RANBP10: variants seen among roughly 807,000 people sequenced by gnomAD.
RANBP10 encodes ran-binding protein 10.
In RANBP10, 24 loss-of-function variants were observed where a neutral mutation model predicts 72.8. That is an observed-to-expected ratio of 0.33 (90% CI 0.24 to 0.46). The LOEUF (loss-of-function observed/expected upper bound fraction) is 0.46, where lower values mean the gene tolerates loss of function less well. RANBP10 is among the 20% of genes least tolerant of loss of function. RANBP10 has a pLI of 1.00. For missense variants in RANBP10, 679 were observed against 817.5 expected, an observed-to-expected ratio of 0.83 and a Z score of 2.07; for synonymous variants, 310 against 322.3, an observed-to-expected ratio of 0.96 and a Z score of 0.41.
intron 5 of RANBP10, among the ~76,000 whole-genome samples, chr16:67,737,723 T>C (rs2053882138): frequency 6.6e-6 from 1 of 152,064 alleles, no homozygotes; most frequent in Non-Finnish European, 1.5e-5. Context: ...AGTTGAGCCA[T>C]GGAGCTATCT....
At chr16:67,747,394 T>C (rs776221117) in intron 3 of RANBP10, among the ~76,000 whole-genome samples, 11 of 152,234 alleles carry the variant, frequency 7.2e-5, no homozygotes, top group Non-Finnish European at 1.5e-4. Flanking sequence ...TGTATTGCAC[T>C]TGTTTATCGT....
At chr16:67,798,052 C>G (rs938224715) in intron 2 of RANBP10, among the ~76,000 whole-genome samples, 4 of 150,682 alleles carry the variant, frequency 2.7e-5, no homozygotes, top group African/African-American at 9.8e-5. Flanking sequence ...AGTTCTCTTA[C>G]CCCGTGTTCC....
At chr16:67,765,556 G>T (rs2054485623) in intron 3 of RANBP10, among the ~76,000 whole-genome samples, 1 of 152,012 alleles carries the variant, frequency 6.6e-6, no homozygotes, top group Non-Finnish European at 1.5e-5. Flanking sequence ...ATTAGTCGGG[G>T]CTGGGTGCAG....
intron 3 of RANBP10, among the ~76,000 whole-genome samples, chr16:67,767,760 C>T (rs2054531897): frequency 1.3e-5 from 2 of 152,138 alleles, no homozygotes; most frequent in South Asian, 4.1e-4. Context: ...CCGCGCCCGG[C>T]TAATTTTTTG....
intron 3 of RANBP10, among the ~76,000 whole-genome samples, chr16:67,766,698 T>G (rs1307190024): frequency 1.3e-5 from 2 of 152,146 alleles, no homozygotes; most frequent in Admixed American, 1.3e-4. Context: ...TAAAACTCTT[T>G]TCTTTATAAA....
intron 2 of RANBP10, among the ~76,000 whole-genome samples, chr16:67,799,582 C>T (rs1487782130): frequency 6.6e-6 from 1 of 152,144 alleles, no homozygotes; most frequent in Non-Finnish European, 1.5e-5. Context: ...CCACTGCGCC[C>T]GGCCAGCTCC....
At chr16:67,737,115 C>T (rs1275885024) in intron 5 of RANBP10, among the ~76,000 whole-genome samples, 1 of 140,262 alleles carries the variant, frequency 7.1e-6, no homozygotes, top group Non-Finnish European at 1.5e-5. Flanking sequence ...ATGCCCTGAA[C>T]TAAGCAAGCA....
chr16:67,745,063 C>T (rs937896927), intron 3 of RANBP10, among the ~76,000 whole-genome samples: 17 of 152,038 alleles, frequency 1.1e-4, no homozygotes, highest in Non-Finnish European at 2.1e-4. Flanking sequence ...ATCTCCTGAC[C>T]TCGTGATCCG....
chr16:67,772,172 G>A, intron 2 of RANBP10, 86 bp from the exon 3 acceptor site: 1 of 1,422,654 alleles, frequency 7.0e-7, no homozygotes, highest in Non-Finnish European at 9.6e-7. Context: ...ATTGGTAAAA[G>A]ACAGAAAAAT....
At chr16:67,761,660 C>T (rs912009233) in intron 3 of RANBP10, among the ~76,000 whole-genome samples, 3 of 152,184 alleles carry the variant, frequency 2.0e-5, no homozygotes, top group Admixed American at 2.0e-4. Flanking sequence ...ACCTCCACGT[C>T]CTGGGTTCAA....
Position 67,728,524 on chromosome 16 carries a change from G to A in RANBP10, c.1353-13C>T, listed in dbSNP as rs1215486048. 10 of 1,613,976 alleles carry A rather than the reference G, an allele frequency of 6.2e-6. No individual in the cohort carries two copies. In the Admixed American group the frequency reaches 8.3e-5, roughly 13 times the overall value. ...CATCTCACTGTCGCTGTGGGGAGGG[G>A]TTGAGGTGGGAGTTGGCCCAGGGGG... On this transcript the variant is annotated splice_polypyrimidine_tract_variant and intron_variant, in intron 10 of 13. Coordinates refer to ENST00000317506, the MANE Select transcript of RANBP10 (RefSeq NM_020850.3).
In RANBP10 at chr16:67,732,499, G is replaced by A. The variant is rs182041522; in HGVS notation, c.777-915C>T. Among the ~76,000 whole-genome samples, 13 of 152,276 alleles carry A rather than the reference G, an allele frequency of 8.5e-5. No individual in the cohort carries two copies. The East Asian group carries it at 1.5e-3, about 18-fold the overall frequency. On this transcript the variant is annotated intron_variant, in intron 6 of 13. Coordinates refer to ENST00000317506, the MANE Select transcript of RANBP10 (RefSeq NM_020850.3). ...TGTCAGGTGGAAGGCACAGAAGTTT[G>A]GGTGTGTGTTCCCTCAAGCTTTAAG...
rs904788698 is a variant in RANBP10, at chr16:67,774,998, T to C, written c.348-2912A>G. ...AAAGTAGGAATAAAAGGAAACTACCTTAACACAACAAAGGTCATATATGAA... is the reference window on the plus strand; with the variant it reads ...AAAGTAGGAATAAAAGGAAACTACCCTAACACAACAAAGGTCATATATGAA... On this transcript the variant is annotated intron_variant, in intron 2 of 13. Coordinates refer to ENST00000317506, the MANE Select transcript of RANBP10 (RefSeq NM_020850.3). 9.2e-5 allele frequency among the ~76,000 whole-genome samples: 14 copies of C among 152,124 alleles called. 1 individual carries two copies. Among genetic ancestry groups the C allele is most frequent in the African/African-American group, 2.9e-4 (12 of 41,430 alleles).
intron 3 of RANBP10, among the ~76,000 whole-genome samples, chr16:67,768,340 C>T (rs564209577): frequency 8.8e-4 from 132 of 150,768 alleles, no homozygotes; most frequent in Middle Eastern, 7.0e-3. Flanking sequence ...GGCAACATGG[C>T]GAAACCCCAT....
chr16:67,784,333 C>A (rs1477762753), intron 2 of RANBP10, among the ~76,000 whole-genome samples: 1 of 152,146 alleles, frequency 6.6e-6, no homozygotes, highest in Non-Finnish European at 1.5e-5. Context: ...ACCAGCCTGA[C>A]CAACATGGTG....
intron 2 of RANBP10, among the ~76,000 whole-genome samples, chr16:67,780,480 G>C (rs556662865): frequency 6.2e-4 from 94 of 152,230 alleles, no homozygotes; most frequent in African/African-American, 1.9e-3. Flanking sequence ...GGGGATGGTG[G>C]CTTCAGCCTA....
intron 3 of RANBP10, among the ~76,000 whole-genome samples, chr16:67,746,233 G>T (rs961080815): frequency 1.6e-4 from 24 of 152,092 alleles, no homozygotes; most frequent in African/African-American, 4.3e-4. Flanking sequence ...TGTAATCCCA[G>T]CACTTTGGGA....
At chr16:67,775,331 C>T (rs964387133) in intron 2 of RANBP10, among the ~76,000 whole-genome samples, 6 of 152,034 alleles carry the variant, frequency 3.9e-5, no homozygotes, top group Non-Finnish European at 7.4e-5. Context: ...TTTAAAAAAA[C>T]CCCACAGCTA....
chr16:67,801,064 C>G (rs1463682635), intron 2 of RANBP10, among the ~76,000 whole-genome samples: 2 of 152,100 alleles, frequency 1.3e-5, no homozygotes, highest in African/African-American at 2.4e-5. Flanking sequence ...TGAAACTTTC[C>G]TTATTAGACT....
Sources: gnomAD v4.1 joint callset for allele counts (sites outside exome capture counted in the v4.1 genomes callset) on GRCh38, gnomAD v4.1.1 for gene constraint, MANE v1.5 for transcripts, NCBI Gene and HGNC (gene_info 2026-07-23, HGNC 2026-07-21) for gene names.